Variants in BMP7 observed in about 807,000 individuals in gnomAD.
The protein encoded by BMP7 is osteogenic protein 1.
BMP7 carries 12 observed loss-of-function variants against 41.2 expected under a neutral mutation model. That is an observed-to-expected ratio of 0.29 (90% CI 0.19 to 0.47). BMP7 has a LOEUF of 0.47. BMP7 is among the 20% of genes least tolerant of loss of function. The probability of loss-of-function intolerance (pLI) is 0.99; values close to 1 mark genes in which losing one functional copy is unlikely to be tolerated. For synonymous variants in BMP7, 248 were observed against 250.0 expected (o/e 0.99, Z 0.07); for missense variants, 467 against 606.0 (o/e 0.77, Z 2.41).
At position 57,170,995 on chromosome 20, in the gene BMP7, G is replaced by A; in HGVS notation, c.1260C>T (p.Tyr420=). ...CACAGGCCCGGACCACCATGTTTCT[G>A]TATTTCTTCAGGATGACGTTGGAGC... ...DDSSNVILKK[Y]RNMVVRACGC... The change falls in exon 7 of 7, where the codon TAC becomes TAT. Residue 420 remains tyrosine (Y), a synonymous_variant. Coordinates refer to ENST00000395863, the MANE Select transcript of BMP7 (RefSeq NM_001719.3). 1 of 1,614,098 alleles carries A rather than the reference G, an allele frequency of 6.2e-7. No homozygotes were observed. Among genetic ancestry groups the A allele is most frequent in the Non-Finnish European group, 8.5e-7 (1 of 1,180,006 alleles).
intron 3 of BMP7, among the ~76,000 whole-genome samples, chr20:57,200,654 G>T (rs554502820): frequency 6.6e-5 from 10 of 152,172 alleles, no homozygotes; most frequent in Non-Finnish European, 1.3e-4. Flanking sequence ...AAAATTAGCC[G>T]GTGTGGTGGC....
At chr20:57,226,631 A>G (rs917621489) in intron 2 of BMP7, among the ~76,000 whole-genome samples, 4 of 152,204 alleles carry the variant, frequency 2.6e-5, no homozygotes, top group African/African-American at 9.6e-5. Context: ...GATGAAAGCC[A>G]GAGGCAGGAG....
chr20:57,216,570 T>G (rs367848475), intron 2 of BMP7, among the ~76,000 whole-genome samples: 1 of 115,256 alleles, frequency 8.7e-6, no homozygotes, highest in South Asian at 2.4e-4. Context: ...CTCCTGAGGG[T>G]GAGGGGCTGT....
At chr20:57,265,047 G>GAA (rs975608509) in intron 1 of BMP7, among the ~76,000 whole-genome samples, 15 of 115,182 alleles carry the variant, frequency 1.3e-4, no homozygotes, top group East Asian at 6.9e-4. Flanking sequence ...AAAAAAAAAA[G>GAA]AAAAGAAAAG....
chr20:57,212,815 C>G (rs1035923120), intron 2 of BMP7, among the ~76,000 whole-genome samples: 4 of 152,174 alleles, frequency 2.6e-5, no homozygotes, highest in African/African-American at 9.6e-5. Flanking sequence ...ACCCTGGCAG[C>G]CAGCTCCCGG....
At position 57,228,690 on chromosome 20, in the gene BMP7, A is replaced by C. The variant is rs1014386321; in HGVS notation, c.419-269T>G. 6.6e-6 allele frequency among the ~76,000 whole-genome samples: 1 copy of C among 152,212 alleles called. No individual in the cohort carries two copies. The highest frequency in any genetic ancestry group is 2.4e-5 in the African/African-American group (1 of 41,454). ...GAAAAGTAGGGCACTAACCACAGCC[A>C]TCCAAGAGGTCCTGGCCAGACTCAG... On this transcript the variant is annotated intron_variant, in intron 1 of 6. Transcript: ENST00000395863. This position sits in a 1 kb window ranked among gnomAD's most constrained non-coding sequence, Gnocchi z 4.5.
At chr20:57,187,095 AG>A in intron 3 of BMP7, 1 of 152,380 alleles carries the variant, frequency 6.6e-6, no homozygotes, top group African/African-American at 2.4e-5. Context: ...CTCTGAGTGA[AG>A]GTGTCTGGCT....
At chr20:57,243,990 G>A (rs2123132712) in intron 1 of BMP7, 1 of 152,370 alleles carries the variant, frequency 6.6e-6, no homozygotes, top group East Asian at 1.9e-4. Context: ...TCTGCCACTT[G>A]CTGGGGCGCG....
Position 57,266,096 on chromosome 20 carries a change from C to T in BMP7, c.27G>A (p.Ala9=). 6.5e-7 allele frequency: 1 copy of T among 1,536,172 alleles called. No homozygotes were observed. The highest frequency in any genetic ancestry group is 1.4e-5 in the African/African-American group (1 of 73,124). The change falls in exon 1 of 7, where the codon GCG becomes GCA. Residue 9 remains alanine, a synonymous_variant. Transcript: ENST00000395863. MHVRSLRA[A]APHSFVALWA... ...AGAGCGCCACGAAGCTGTGCGGCGCCGCAGCTCGCAGTGAGCGCACGTGCA... is the reference window on the plus strand; with the variant it reads ...AGAGCGCCACGAAGCTGTGCGGCGCTGCAGCTCGCAGTGAGCGCACGTGCA...
intron 1 of BMP7, among the ~76,000 whole-genome samples, chr20:57,233,876 C>A (rs1403500717): frequency 7.2e-5 from 11 of 152,216 alleles, no homozygotes; most frequent in Admixed American, 2.0e-4. Flanking sequence ...CAAATATATG[C>A]ATATGTACAG....
At chr20:57,205,497 C>T (rs1263420453) in intron 2 of BMP7, among the ~76,000 whole-genome samples, 2 of 152,188 alleles carry the variant, frequency 1.3e-5, no homozygotes, top group African/African-American at 4.8e-5. Flanking sequence ...CGATTCTCAA[C>T]AATTAACAGA....
intron 3 of BMP7, among the ~76,000 whole-genome samples, chr20:57,193,449 C>T (rs1201267355): frequency 6.6e-6 from 1 of 152,182 alleles, no homozygotes; most frequent in Non-Finnish European, 1.5e-5. Context: ...GGCTGGGAAA[C>T]TCCGCTTTGT....
rs926745426 is a variant in BMP7, at chr20:57,170,830, C to T, written c.*129G>A. 18 of 1,211,324 alleles carry T rather than the reference C, an allele frequency of 1.5e-5. No individual in the cohort carries two copies. The highest frequency in any genetic ancestry group is 1.9e-5 in the Non-Finnish European group (16 of 850,684). The allele number at this position is 1,211,324 out of a possible 1,614,324, so 75.0% of individuals were successfully genotyped here. The stretch of plus-strand genomic sequence containing the variant: ...CTGCTCATGTTTCCTAATACTCTCA[C>T]ACCTTTAAAGTTGGGGATAGGGAGG... On this transcript the variant is annotated 3_prime_UTR_variant, in exon 7 of 7. Transcript: ENST00000395863.
chr20:57,261,524 T>G lies in BMP7; in HGVS notation c.418+4181A>C, dbSNP rs1198422788. ...CATGCTTGGGAAAAGTGGAGGAAAA[T>G]CTTTGATTTATATAAGCAGGAAAAT... On this transcript the variant is annotated intron_variant, in intron 1 of 6. Coordinates refer to ENST00000395863, the MANE Select transcript of BMP7 (RefSeq NM_001719.3). This position sits in a 1 kb window ranked among gnomAD's most constrained non-coding sequence, Gnocchi z 4.1. Among the ~76,000 whole-genome samples, 1 of 151,966 alleles carries G rather than the reference T, an allele frequency of 6.6e-6. No individual in the cohort carries two copies. Among genetic ancestry groups the G allele is most frequent in the Non-Finnish European group, 1.5e-5 (1 of 68,010 alleles).
At chr20:57,190,066 C>T (rs1984313605) in intron 3 of BMP7, among the ~76,000 whole-genome samples, 1 of 152,212 alleles carries the variant, frequency 6.6e-6, no homozygotes, top group African/African-American at 2.4e-5. Context: ...TGTGTCAGCA[C>T]AGTGAAGAGG....
chr20:57,178,438 C>G (rs1182294348), intron 4 of BMP7, among the ~76,000 whole-genome samples: 1 of 152,048 alleles, frequency 6.6e-6, no homozygotes, highest in Admixed American at 6.5e-5. Context: ...CCCTGGTCCC[C>G]ACCCTCCGTG....
chr20:57,209,249 T>TATATA lies in BMP7; in HGVS notation c.612-6627_612-6626insTATAT, dbSNP rs1555814048. ...AACAAATACCTAGATTTATATATTT[T>TATATA]TATATATATATATATATATATATAT... On this transcript the variant is annotated intron_variant, in intron 2 of 6. Coordinates refer to ENST00000395863, the MANE Select transcript of BMP7 (RefSeq NM_001719.3). Among the ~76,000 whole-genome samples the TATATA allele has an allele frequency of 9.3e-3, 878 of 94,820 alleles. 18 individuals are homozygous for TATATA. Among genetic ancestry groups the TATATA allele is most frequent in the South Asian group, 0.012 (30 of 2,500 alleles). The allele number at this position is 94,820 out of a possible 152,430, so 62.2% of individuals were successfully genotyped here.
At chr20:57,240,162 G>A (rs2066063383) in intron 1 of BMP7, among the ~76,000 whole-genome samples, 2 of 152,162 alleles carry the variant, frequency 1.3e-5, no homozygotes, top group African/African-American at 4.8e-5. Context: ...AAAAGTGAAT[G>A]CCTTTAACAC....
In BMP7 at chr20:57,253,070, A is replaced by G. The variant is rs141040211; in HGVS notation, c.418+12635T>C. On this transcript the variant is annotated intron_variant, in intron 1 of 6. Transcript: ENST00000395863. ...GCACTTCCAAGCTCCAGAGGCGCAGAGATTTCTGGGTCCCCCACCCCCTTC... is the reference window on the plus strand; with the variant it reads ...GCACTTCCAAGCTCCAGAGGCGCAGGGATTTCTGGGTCCCCCACCCCCTTC... Among the ~76,000 whole-genome samples the G allele has an allele frequency of 2.0e-4, 31 of 152,284 alleles. No homozygotes were observed. In the East Asian group the frequency reaches 4.0e-3, roughly 20 times the overall value.
Sources: allele counts gnomAD v4.1 joint callset (sites outside exome capture counted in the v4.1 genomes callset), GRCh38; gene constraint gnomAD v4.1.1; non-coding constraint Gnocchi (gnomAD v3.1); transcripts MANE v1.5; gene names NCBI Gene and HGNC (gene_info 2026-07-23, HGNC 2026-07-21).